The following UQCRH variants were observed in gnomAD, a reference collection of about 807,000 sequenced individuals.
UQCRH encodes the protein ubiquinol-cytochrome c reductase hinge protein.
UQCRH carries 14 observed loss-of-function variants against 16.3 expected under a neutral mutation model. The observed-to-expected ratio is 0.86, with a 90% confidence interval of 0.57 to 1.34. The LOEUF (loss-of-function observed/expected upper bound fraction) is 1.34. Ranked by LOEUF, UQCRH falls within the 40% of genes most tolerant of loss-of-function variation. The pLI, the probability that UQCRH is intolerant of heterozygous loss-of-function variation, is 0.00. For missense variants in UQCRH, 89 were observed against 111.9 expected, an observed-to-expected ratio of 0.80 and a Z score of 0.92; for synonymous variants, 41 against 41.9, an observed-to-expected ratio of 0.98 and a Z score of 0.08.
In UQCRH at chr1:46,314,278, T is replaced by A. The variant is rs190597672; in HGVS notation, c.244-2274T>A. Among the ~76,000 whole-genome samples the A allele has an allele frequency of 1.1e-3, 158 of 148,860 alleles. 2 individuals carry two copies. The South Asian group carries it at 0.017, about 16-fold the overall frequency. On this transcript the variant is annotated intron_variant, in intron 3 of 3. Transcript: ENST00000311672. Reference sequence around the variant, plus strand: ...CTACTTGGGAGGCTGAGGCAGGAGATTGGCATGAACCCGGGAGGCGGAGCT... The same window carrying A: ...CTACTTGGGAGGCTGAGGCAGGAGAATGGCATGAACCCGGGAGGCGGAGCT...
chr1:46,304,589 G>A (rs1415559810), intron 1 of UQCRH, among the ~76,000 whole-genome samples: 1 of 151,998 alleles, frequency 6.6e-6, no homozygotes, highest in Non-Finnish European at 1.5e-5. Context: ...GTTTCACTCT[G>A]TTGGCCAGGC....
At chr1:46,306,832 G>A (rs947706194) in intron 1 of UQCRH, among the ~76,000 whole-genome samples, 11 of 152,130 alleles carry the variant, frequency 7.2e-5, no homozygotes, top group Non-Finnish European at 1.6e-4. Context: ...CTCACTCCCA[G>A]CTTGTATGAG....
chr1:46,311,305 T>A (rs1010622700), intron 3 of UQCRH, among the ~76,000 whole-genome samples: 15 of 140,320 alleles, frequency 1.1e-4, no homozygotes, highest in Non-Finnish European at 1.9e-4. Context: ...CTCACGCCTG[T>A]AATCCCAGCA....
At chr1:46,308,117 A>C (rs1474403185) in intron 1 of UQCRH, among the ~76,000 whole-genome samples, 1 of 152,238 alleles carries the variant, frequency 6.6e-6, no homozygotes, top group African/African-American at 2.4e-5. Context: ...TATTAAGCAC[A>C]CTTAGGTTCT....
intron 3 of UQCRH, among the ~76,000 whole-genome samples, chr1:46,314,842 C>T (rs1411310047): frequency 6.9e-6 from 1 of 143,980 alleles, no homozygotes; most frequent in Non-Finnish European, 1.5e-5. Context: ...ATGGTAGTAA[C>T]CAGGAGCTGA....
At chr1:46,303,927 T>TAAAC in intron 1 of UQCRH, 107 bp downstream of exon 1, 1 of 1,478,260 alleles carries the variant, frequency 6.8e-7, no homozygotes, top group Non-Finnish European at 9.3e-7. Flanking sequence ...CCCTCTAGGG[T>TAAAC]TTGCATAGTC....
In UQCRH at chr1:46,303,716, G is replaced by C. The variant is rs1330961035; in HGVS notation, c.-51G>C. The C allele has an allele frequency of 1.2e-6, 2 of 1,613,780 alleles. No individual in the cohort carries two copies. The highest frequency in any genetic ancestry group is 1.7e-5 in the Admixed American group (1 of 59,966). On this transcript the variant is annotated 5_prime_UTR_variant, in exon 1 of 4. Coordinates refer to ENST00000311672, the MANE Select transcript of UQCRH (RefSeq NM_006004.4). ...ACAAGTCCTTCTTGATCCTGAACTG[G>C]GTTAGGTGCCGCTGTTGCTGCTCGT...
chr1:46,309,534 G>C (rs1661429521), intron 2 of UQCRH: 1 of 188,054 alleles, frequency 5.3e-6, no homozygotes, highest in African/African-American at 2.4e-5. Flanking sequence ...GCCGGGCGTG[G>C]TGGCACATGC....
chr1:46,308,744 G>A (rs1569686562), intron 1 of UQCRH, among the ~76,000 whole-genome samples: 2 of 152,336 alleles, frequency 1.3e-5, no homozygotes, highest in African/African-American at 4.8e-5. Flanking sequence ...AGAAGGCTGA[G>A]GCAGGAGGAT....
intron 3 of UQCRH, among the ~76,000 whole-genome samples, chr1:46,315,992 A>G (rs1661576248): frequency 6.6e-6 from 1 of 152,244 alleles, no homozygotes; most frequent in Non-Finnish European, 1.5e-5. Context: ...AAACAGAAGT[A>G]GAACAAGTGC....
At chr1:46,306,407 A>C (rs1185308073) in intron 1 of UQCRH, among the ~76,000 whole-genome samples, 2 of 117,224 alleles carry the variant, frequency 1.7e-5, no homozygotes, top group African/African-American at 3.4e-5. Context: ...TTTGTGACGG[A>C]GTCTCGCTCT....
Position 46,316,594 on chromosome 1 carries a change from C to T in UQCRH, c.*10C>T, listed in dbSNP as rs767851439. 1 of 1,612,478 alleles carries T rather than the reference C, an allele frequency of 6.2e-7. No individual in the cohort carries two copies. The highest frequency in any genetic ancestry group is 2.2e-5 in the East Asian group (1 of 44,866). Reference sequence around the variant, plus strand: ...TAACAACTTGAAATAAATGTGTGGACTTAATTCACCCCAGTCTTCATCATC... The same window carrying T: ...TAACAACTTGAAATAAATGTGTGGATTTAATTCACCCCAGTCTTCATCATC... On this transcript the variant is annotated 3_prime_UTR_variant, in exon 4 of 4. Transcript: ENST00000311672.
intron 2 of UQCRH, chr1:46,309,665 C>T (rs984080477): frequency 3.0e-5 from 6 of 200,966 alleles, no homozygotes; most frequent in South Asian, 1.1e-4. Flanking sequence ...AGCAAAACTC[C>T]GTCTTAAAAA....
chr1:46,308,078 G>C (rs1557723748), intron 1 of UQCRH, among the ~76,000 whole-genome samples: 2 of 152,212 alleles, frequency 1.3e-5, no homozygotes, highest in Non-Finnish European at 2.9e-5. Context: ...AATCATAAGA[G>C]ATATGAAGGT....
At position 46,305,642 on chromosome 1, in the gene UQCRH, T is replaced by C. The variant is rs574841853; in HGVS notation, c.54+1822T>C. Among the ~76,000 whole-genome samples the C allele has an allele frequency of 3.0e-4, 46 of 151,646 alleles. No homozygotes were observed. The East Asian group carries it at 9.1e-3, about 30-fold the overall frequency. On this transcript the variant is annotated intron_variant, in intron 1 of 3. Transcript: ENST00000311672. ...GGCGGCGGGCGCCTGTAGTCCCAGC[T>C]ACTCGAGAGGCTGAGGCAGAATGGC...
chr1:46,315,074 G>C (rs1661557048), intron 3 of UQCRH, among the ~76,000 whole-genome samples: 1 of 152,146 alleles, frequency 6.6e-6, no homozygotes, highest in Non-Finnish European at 1.5e-5. Context: ...GCCAAGGCAG[G>C]CATGTCACTT....
chr1:46,309,165 A>G lies in UQCRH; in HGVS notation c.81+38A>G, dbSNP rs372145628. On this transcript the variant is annotated intron_variant, in intron 2 of 3. Transcript: ENST00000311672. ...TCAGGTTTGGAAACATCTCAGTAAA[A>G]GCAGGGTTTGAGCTTCATGAAATTC... 11 of 1,604,552 alleles carry G rather than the reference A, an allele frequency of 6.9e-6. No homozygotes were observed. In the African/African-American group the frequency reaches 1.2e-4, roughly 18 times the overall value.
intron 3 of UQCRH, among the ~76,000 whole-genome samples, chr1:46,313,262 C>G (rs149505844): frequency 1.3e-5 from 2 of 152,276 alleles, no homozygotes; most frequent in African/African-American, 4.8e-5. Context: ...GAGGTCAAGG[C>G]AGGCAGATCA....
chr1:46,315,050 C>T (rs529341737), intron 3 of UQCRH, among the ~76,000 whole-genome samples: 48 of 152,214 alleles, frequency 3.2e-4, no homozygotes, highest in African/African-American at 1.1e-3. Flanking sequence ...TTCACACCTC[C>T]TACACTTTGG....
Sources: allele counts gnomAD v4.1 joint callset (sites outside exome capture counted in the v4.1 genomes callset), GRCh38; gene constraint gnomAD v4.1.1; transcripts MANE v1.5; gene names NCBI Gene and HGNC (gene_info 2026-07-23, HGNC 2026-07-21).